The following WDR44 variants were observed in gnomAD, a reference collection of about 807,000 sequenced individuals.
WDR44 encodes WD repeat domain 44.
A neutral mutation model predicts 65.7 loss-of-function variants in WDR44; 9 were observed. That is an observed-to-expected ratio of 0.14 (90% CI 0.08 to 0.24). WDR44 has a LOEUF of 0.24. WDR44 is among the 10% of genes least tolerant of loss of function. The pLI, the probability that WDR44 is intolerant of heterozygous loss-of-function variation, is 1.00. For synonymous variants in WDR44, 220 were observed against 235.2 expected, an observed-to-expected ratio of 0.94 and a Z score of 0.59; for missense variants, 425 against 670.9, an observed-to-expected ratio of 0.63 and a Z score of 4.05.
chrX:118,374,038 A>G (rs1324035504), intron 1 of WDR44, among the ~76,000 whole-genome samples: 1 of 110,357 alleles, frequency 9.1e-6, no homozygotes, highest in African/African-American at 3.3e-5. Context: ...TGCTGCACCC[A>G]TCAATCCGTC....
At chrX:118,417,662 C>T (rs1433580884) in intron 12 of WDR44, among the ~76,000 whole-genome samples, 1 of 111,852 alleles carries the variant, frequency 8.9e-6, no homozygotes, top group African/African-American at 3.2e-5. Flanking sequence ...AGTGTGCCTA[C>T]GCGATGATCA....
intron 8 of WDR44, among the ~76,000 whole-genome samples, chrX:118,403,093 C>T (rs143983452): frequency 0.014 from 1,512 of 111,706 alleles, 31 homozygotes; most frequent in African/African-American, 0.046. Context: ...GATTCACATC[C>T]CAGGTAGGAT....
In WDR44 at chrX:118,392,847, A is replaced by G. The variant is rs2056831378; in HGVS notation, c.402A>G (p.Glu134=). 1 of 1,210,763 alleles carries G rather than the reference A, an allele frequency of 8.3e-7. No homozygotes were observed. Residue 134 remains glutamate, a synonymous_variant, in exon 4 of 20, where the codon GAA becomes GAG. Coordinates refer to ENST00000254029, the MANE Select transcript of WDR44 (RefSeq NM_019045.5). ...GTCAGAATACATTTGAAGAGACTGA[A>G]TTAGAATTAAAAAAATGCTTTCCTT... ...AESQNTFEET[E]LELKKCFPSD...
chrX:118,424,684 G>T (rs1018871192), intron 12 of WDR44, among the ~76,000 whole-genome samples: 2 of 110,104 alleles, frequency 1.8e-5, no homozygotes, highest in Non-Finnish European at 3.8e-5. Flanking sequence ...CTTTTGTTGT[G>T]CAGAAGCTTT....
intron 12 of WDR44, among the ~76,000 whole-genome samples, chrX:118,421,018 C>T (rs2057100749): frequency 9.0e-6 from 1 of 111,556 alleles, no homozygotes; most frequent in Non-Finnish European, 1.9e-5. Context: ...GAATTCCTGC[C>T]TGTGGACCTT....
rs866048063 is a variant in WDR44, at chrX:118,424,301, A to G, written c.1738-8480A>G. Among the ~76,000 whole-genome samples the G allele has an allele frequency of 6.5e-4, 40 of 61,467 alleles. No individual in the cohort carries two copies. In the East Asian group the frequency reaches 0.015, roughly 23 times the overall value. 53.4% of individuals were successfully genotyped at this position (61,467 alleles called of 115,157 possible). A position where few individuals can be genotyped will look rare whatever the true frequency, so the allele number is the denominator to read the frequency against. On this transcript the variant is annotated intron_variant, in intron 12 of 19. Coordinates refer to ENST00000254029, the MANE Select transcript of WDR44 (RefSeq NM_019045.5). ...TATATATGTGTGTGTGTGTATGTGT[A>G]TATATATATATGTGTGTGTGTGTAT...
intron 13 of WDR44, among the ~76,000 whole-genome samples, chrX:118,435,001 G>C (rs2057242555): frequency 9.0e-6 from 1 of 111,018 alleles, no homozygotes; most frequent in Non-Finnish European, 1.9e-5. Context: ...ATTAGTTATG[G>C]GTAGAACTTA....
intron 12 of WDR44, among the ~76,000 whole-genome samples, chrX:118,417,174 A>G (rs980398408): frequency 4.5e-5 from 5 of 111,502 alleles, no homozygotes; most frequent in African/African-American, 1.6e-4. Flanking sequence ...CTTACATTCA[A>G]TGTTAGTATT....
Position 118,438,043 on chromosome X carries a change from AAG to A in WDR44, c.1974+1222_1974+1223del, listed in dbSNP as rs1234399941. ...TCTGTCTCAAAATAAAAAAAAAAAA[AAG>A]AGGAAGAAGACTTGGTTAAGAATTT... On this transcript the variant is annotated intron_variant, in intron 14 of 19. Transcript: ENST00000254029. 2.7e-5 allele frequency among the ~76,000 whole-genome samples: 3 copies of A among 109,711 alleles called. 1 individual carries two copies. The highest frequency in any genetic ancestry group is 5.7e-5 in the Non-Finnish European group (3 of 52,624).
chrX:118,386,421 G>A (rs2056767324), intron 2 of WDR44: 2 of 354,691 alleles, frequency 5.6e-6, no homozygotes, highest in Non-Finnish European at 5.5e-6. Flanking sequence ...ATATATGTAC[G>A]TATGTGTATA....
chrX:118,423,374 G>A (rs2057121151), intron 12 of WDR44, among the ~76,000 whole-genome samples: 1 of 111,224 alleles, frequency 9.0e-6, no homozygotes, highest in Middle Eastern at 4.2e-3. Flanking sequence ...TCACCATGTT[G>A]ATCAGGCTGG....
At chrX:118,399,470 C>T (rs757455841) in intron 8 of WDR44, among the ~76,000 whole-genome samples, 1 of 111,089 alleles carries the variant, frequency 9.0e-6, no homozygotes, top group Non-Finnish European at 1.9e-5. Context: ...AAAATGCAGG[C>T]ATATGATAGC....
chrX:118,392,889 G>A lies in WDR44; in HGVS notation c.444G>A (p.Glu148=). 3.3e-6 allele frequency: 4 copies of A among 1,212,192 alleles called. No homozygotes were observed. The highest frequency in any genetic ancestry group is 4.5e-6 in the Non-Finnish European group (4 of 895,642). ...GCTTTCCTTCTGATGAAACCTGTGA[G>A]AAACCAGTAGATGAAACCACGAAGT... is the stretch of plus-strand genomic sequence containing the variant. ...KKCFPSDETC[E]KPVDETTKLT... is the part of the protein sequence containing the mutation. The change falls in exon 4 of 20, where the codon GAG becomes GAA. Residue 148 remains glutamate, a synonymous_variant. Coordinates refer to ENST00000254029, the MANE Select transcript of WDR44 (RefSeq NM_019045.5).
intron 13 of WDR44, among the ~76,000 whole-genome samples, chrX:118,434,557 TA>T (rs2057238721): frequency 9.0e-6 from 1 of 111,626 alleles, no homozygotes; most frequent in South Asian, 3.7e-4. Flanking sequence ...ATTGGAAATT[TA>T]AAAAAACAAA....
intron 12 of WDR44, among the ~76,000 whole-genome samples, chrX:118,412,594 T>G (rs2147723119): frequency 9.0e-6 from 1 of 111,644 alleles, no homozygotes; most frequent in African/African-American, 3.2e-5. Flanking sequence ...TAAGTCTAAT[T>G]TGTAGGACTT....
intron 8 of WDR44, among the ~76,000 whole-genome samples, chrX:118,398,976 T>C (rs765745156): frequency 1.8e-5 from 2 of 111,957 alleles, no homozygotes; most frequent in Non-Finnish European, 3.8e-5. Flanking sequence ...GCACCATACT[T>C]GTGTTATTTT....
intron 1 of WDR44, among the ~76,000 whole-genome samples, chrX:118,371,636 A>G (rs2056614341): frequency 9.0e-6 from 1 of 111,645 alleles, no homozygotes; most frequent in Admixed American, 9.5e-5. Context: ...TGTAAGAAGC[A>G]TATTTATTAT....
In WDR44 at chrX:118,449,267, AGATATTAAT is replaced by A. The variant is rs1240345459; in HGVS notation, c.*281_*289del. The A allele has an allele frequency of 6.3e-6, 1 of 159,065 alleles. No homozygotes were observed. Among genetic ancestry groups the A allele is most frequent in the East Asian group, 1.3e-4 (1 of 7,417 alleles). The allele number at this position is 159,065 out of a possible 1,213,427, so 13.1% of individuals were successfully genotyped here. On this transcript the variant is annotated 3_prime_UTR_variant, in exon 20 of 20. Transcript: ENST00000254029. ...AACATGCACAAGTTTCTGCATGAAA[AGATATTAAT>A]ATATTAATCACATGTATGTGCCTTT...
intron 1 of WDR44, among the ~76,000 whole-genome samples, chrX:118,348,177 G>A (rs1232642649): frequency 8.9e-6 from 1 of 111,995 alleles, no homozygotes; most frequent in Non-Finnish European, 1.9e-5. Flanking sequence ...CAGGACCTGT[G>A]TAAACTGTCT....
Sources: gnomAD v4.1 joint callset for allele counts (sites outside exome capture counted in the v4.1 genomes callset) on GRCh38, gnomAD v4.1.1 for gene constraint, MANE v1.5 for transcripts, NCBI Gene and HGNC (gene_info 2026-07-23, HGNC 2026-07-21) for gene names.